Variants in GARNL3 observed in about 807,000 individuals in gnomAD.
The protein encoded by GARNL3 is GTPase-activating Rap/Ran-GAP domain-like protein 3.
A neutral mutation model predicts 125.0 loss-of-function variants in GARNL3; 63 were observed. The observed-to-expected ratio is 0.50, with a 90% CI of 0.41 to 0.62. The LOEUF (loss-of-function observed/expected upper bound fraction) is 0.62. Among genes scored for constraint, GARNL3 ranks in the 20% least tolerant of loss-of-function variants. The pLI is 0.00. For synonymous variants in GARNL3, 439 were observed against 457.5 expected (o/e 0.96, Z 0.52); for missense variants, 994 against 1,244.0 (o/e 0.80, Z 3.02).
chr9:127,339,058 A>G (rs1023414672), intron 12 of GARNL3, among the ~76,000 whole-genome samples: 2 of 151,822 alleles, frequency 1.3e-5, no homozygotes, highest in African/African-American at 4.8e-5. Flanking sequence ...AGCACTTTGG[A>G]AGGCTGAGGC....
At chr9:127,272,501 TGA>T (rs2063846831) in intron 1 of GARNL3, among the ~76,000 whole-genome samples, 1 of 143,472 alleles carries the variant, frequency 7.0e-6, no homozygotes, top group Non-Finnish European at 1.5e-5. Context: ...TTTTTTTTTT[TGA>T]GGAGGAGGAG....
intron 22 of GARNL3, among the ~76,000 whole-genome samples, chr9:127,366,528 C>A (rs546790661): frequency 6.6e-6 from 1 of 152,346 alleles, no homozygotes; most frequent in Admixed American, 6.5e-5. Flanking sequence ...AGAAATTCAC[C>A]TTTCTAAAAT....
chr9:127,230,740 A>G (rs896876414), intron 1 of GARNL3, among the ~76,000 whole-genome samples: 1 of 150,450 alleles, frequency 6.6e-6, no homozygotes, highest in African/African-American at 2.4e-5. Flanking sequence ...GGCTTTGTCT[A>G]TTCAGTTTTT....
At position 127,385,739 on chromosome 9, in the gene GARNL3, C is replaced by G. The variant is rs10819285; in HGVS notation, c.2388+594C>G. Among the ~76,000 whole-genome samples, 2 of 152,112 alleles carry G rather than the reference C, an allele frequency of 1.3e-5. No individual in the cohort carries two copies. Among genetic ancestry groups the G allele is most frequent in the South Asian group, 2.1e-4 (1 of 4,820 alleles). On this transcript the variant is annotated intron_variant, in intron 24 of 27. Coordinates refer to ENST00000373387, the MANE Select transcript of GARNL3 (RefSeq NM_032293.5). This position sits in a 1 kb window ranked among gnomAD's most constrained non-coding sequence, Gnocchi z 4.1. ...CCCTGCCAGACTGGGCTGGCTCCCC[C>G]GCTGTGTCCCCTGTTCCCTTCCCTG...
rs373225817 is a variant in GARNL3, at chr9:127,343,657, A to G, written c.1252-578A>G. Among the ~76,000 whole-genome samples the G allele has an allele frequency of 1.5e-4, 23 of 152,352 alleles. No homozygotes were observed. In the South Asian group the frequency reaches 4.6e-3, roughly 30 times the overall value. ...CTTGCTGATTGAATGAGCATACCCC[A>G]TTCAGTGACTACAGTTTTAAAGAGA... On this transcript the variant is annotated intron_variant, in intron 14 of 27. Coordinates refer to ENST00000373387, the MANE Select transcript of GARNL3 (RefSeq NM_032293.5).
At chr9:127,337,203 C>T (rs1254914624) in intron 11 of GARNL3, among the ~76,000 whole-genome samples, 1 of 152,206 alleles carries the variant, frequency 6.6e-6, no homozygotes, top group Non-Finnish European at 1.5e-5. Flanking sequence ...ATATCTGCCC[C>T]TGTCCCCTGG....
At position 127,355,300 on chromosome 9, in the gene GARNL3, G is replaced by T; in HGVS notation, c.1763G>T (p.Cys588Phe). ...CATCATTTCTTTCTCCTCCCAGGCT[G>T]CCACCTGTATGCTATTAACACTCAC... ...RENKLEKTKG[C>F]HLYAINTHHS... Residue 588 changes from cysteine (C) to phenylalanine (F), a missense_variant, in exon 20 of 28, where the codon TGC (cysteine) becomes TTC (phenylalanine). Physicochemically the swap from Cys to Phe is radical, Grantham distance 205 (BLOSUM62 -2). Transcript: ENST00000373387. 1 of 1,613,400 alleles carries T rather than the reference G, an allele frequency of 6.2e-7. No individual in the cohort carries two copies. Among genetic ancestry groups the T allele is most frequent in the South Asian group, 1.1e-5 (1 of 91,072 alleles).
rs988627882 is a variant in GARNL3 at position 127,242,609 on chromosome 9, G to C, written c.-28-470G>C. The stretch of plus-strand genomic sequence containing the variant: ...CTGTGGGCTTTAGTCCTTGTCTCCA[G>C]TGTTGTTGCCAGTCTAGGCCCTTTT... On this transcript the variant is annotated intron_variant, in intron 1 of 10. Coordinates refer to the GARNL3 transcript ENST00000439286. This position sits in a 1 kb window ranked among gnomAD's most constrained non-coding sequence, Gnocchi z 4.6. Among the ~76,000 whole-genome samples, 1 of 152,190 alleles carries C rather than the reference G, an allele frequency of 6.6e-6. No homozygotes were observed. Among genetic ancestry groups the C allele is most frequent in the East Asian group, 1.9e-4 (1 of 5,198 alleles).
intron 21 of GARNL3, among the ~76,000 whole-genome samples, chr9:127,358,620 AC>A: frequency 6.6e-6 from 1 of 152,272 alleles, no homozygotes; most frequent in Non-Finnish European, 1.5e-5. Flanking sequence ...GAAATAGAAA[AC>A]TGTAGTTGTG....
At chr9:127,316,482 A>G (rs1243728634) in intron 4 of GARNL3, among the ~76,000 whole-genome samples, 7 of 152,246 alleles carry the variant, frequency 4.6e-5, no homozygotes, top group Admixed American at 4.6e-4. Context: ...ACCATCTCTT[A>G]GACAGGGAAT....
At chr9:127,291,371 G>A (rs542604430) in intron 2 of GARNL3, 129 bp downstream of exon 2, 2 of 757,982 alleles carry the variant, frequency 2.6e-6, no homozygotes, top group African/African-American at 3.5e-5. Flanking sequence ...CAAATGGAAG[G>A]GAAATGTCAG....
intron 22 of GARNL3, among the ~76,000 whole-genome samples, chr9:127,375,902 A>C (rs999071081): frequency 3.9e-5 from 6 of 152,214 alleles, no homozygotes; most frequent in African/African-American, 1.4e-4. Context: ...ATGTGAGTGC[A>C]CCATCTTGGA....
At chr9:127,387,733 ACT>A (rs1286693686) in intron 25 of GARNL3, among the ~76,000 whole-genome samples, 5 of 144,026 alleles carry the variant, frequency 3.5e-5, no homozygotes, top group South Asian at 2.2e-4. Flanking sequence ...ATAGAGCGAG[ACT>A]CTGTCTACAA....
Position 127,355,392 on chromosome 9 carries a change from A to G in GARNL3, c.1855A>G (p.Asn619Asp), listed in dbSNP as rs779293536. 1.4e-5 allele frequency: 22 copies of G among 1,614,142 alleles called. No individual in the cohort carries two copies. The African/African-American group carries it at 2.7e-4, about 20-fold the overall frequency. The change falls in exon 20 of 28, where the codon AAC (asparagine) becomes GAC (aspartate). Residue 619 changes from asparagine to aspartate, a missense_variant. Coordinates refer to ENST00000373387, the MANE Select transcript of GARNL3 (RefSeq NM_032293.5). ...ACTGCTTCTGATCACAAGAAAACAC[A>G]ACAAGCCAAGCGGGGTCACCAGCAC... ...NKLLLITRKH[N>D]KPSGVTSTSL...
chr9:127,311,976 A>G (rs995928746), intron 3 of GARNL3, among the ~76,000 whole-genome samples: 7 of 152,204 alleles, frequency 4.6e-5, no homozygotes, highest in African/African-American at 1.2e-4. Flanking sequence ...CTGGAGAGCT[A>G]AAGATTAGAT....
intron 7 of GARNL3, among the ~76,000 whole-genome samples, chr9:127,329,491 T>C (rs1307516188): frequency 6.6e-6 from 1 of 152,082 alleles, no homozygotes; most frequent in Non-Finnish European, 1.5e-5. Flanking sequence ...CCTAATAACT[T>C]GTGATGAAGA....
chr9:127,343,844 T>C (rs144781438), intron 14 of GARNL3, among the ~76,000 whole-genome samples: 106 of 152,318 alleles, frequency 7.0e-4, no homozygotes, highest in Non-Finnish European at 1.3e-3. Flanking sequence ...AGGCTGCAGA[T>C]TTGCACAGCT....
At chr9:127,225,243 G>T (rs866173442) in intron 1 of GARNL3, 38 of 522,378 alleles carry the variant, frequency 7.3e-5, no homozygotes, top group African/African-American at 6.9e-4. Flanking sequence ...TGCGGCGCGC[G>T]AGCCGAGCGG....
chr9:127,277,906 G>A lies in GARNL3; in HGVS notation c.144+12885G>A, dbSNP rs149396276. Among the ~76,000 whole-genome samples the A allele has an allele frequency of 2.0e-5, 3 of 152,102 alleles. No individual in the cohort carries two copies. The East Asian group carries it at 5.8e-4, about 29-fold the overall frequency. Reference sequence around the variant, plus strand: ...TATTTTACATTGTCATTATTTGTGGGCATTTTTTACCTGTCCTAGTAGGCA... The same window carrying A: ...TATTTTACATTGTCATTATTTGTGGACATTTTTTACCTGTCCTAGTAGGCA... On this transcript the variant is annotated intron_variant, in intron 1 of 27. Coordinates refer to ENST00000373387, the MANE Select transcript of GARNL3 (RefSeq NM_032293.5).
Sources: allele counts gnomAD v4.1 joint callset (sites outside exome capture counted in the v4.1 genomes callset), GRCh38; gene constraint gnomAD v4.1.1; non-coding constraint Gnocchi (gnomAD v3.1); transcripts MANE v1.5; gene names NCBI Gene and HGNC (gene_info 2026-07-23, HGNC 2026-07-21).